Variants in SMARCAL1 observed in about 807,000 individuals in gnomAD.
SMARCAL1 encodes ATP-driven annealing helicase.
Under a neutral mutation model 94.5 loss-of-function variants are expected in SMARCAL1, and 58 were observed. The ratio of observed to expected loss-of-function variants is 0.61; its 90% CI spans 0.50 to 0.76. The LOEUF is 0.76. SMARCAL1 is among the 30% of genes least tolerant of loss of function. The probability of loss-of-function intolerance (pLI) is 0.00; values close to 1 mark genes in which losing one functional copy is unlikely to be tolerated. For missense variants in SMARCAL1, 1,051 were observed against 1,177.9 expected (o/e 0.89, Z 1.58); for synonymous variants, 422 against 455.1 (o/e 0.93, Z 0.93).
chr2:216,441,836 C>CT, intron 10 of SMARCAL1, among the ~76,000 whole-genome samples: 1 of 152,198 alleles, frequency 6.6e-6, no homozygotes, highest in East Asian at 1.9e-4. Flanking sequence ...TACTGGCACT[C>CT]TTTTAAACAG....
At chr2:216,451,128 G>A (rs1694442124) in intron 12 of SMARCAL1, 64 bp downstream of exon 12, 4 of 1,359,602 alleles carry the variant, frequency 2.9e-6, no homozygotes, top group Non-Finnish European at 4.2e-6. Flanking sequence ...TCCATGAGAG[G>A]CCCTTGAAAA....
Position 216,414,699 on chromosome 2 carries a change from G to T in SMARCAL1, c.-6G>T, listed in dbSNP as rs368738615. The stretch of plus-strand genomic sequence containing the variant: ...GACATTCCTGCATAAGCATTTCTCT[G>T]TGAAAATGTCCTTGCCTCTTACAGA... On this transcript the variant is annotated 5_prime_UTR_variant, in exon 3 of 18. Coordinates refer to ENST00000357276, the MANE Select transcript of SMARCAL1 (RefSeq NM_014140.4). The T allele has an allele frequency of 2.5e-6, 4 of 1,613,702 alleles. No homozygotes were observed. In the South Asian group the frequency reaches 3.3e-5, roughly 13 times the overall value.
intron 8 of SMARCAL1, 90 bp from the exon 9 acceptor site, chr2:216,435,248 C>T: frequency 7.4e-7 from 1 of 1,349,916 alleles, no homozygotes; most frequent in Non-Finnish European, 1.1e-6. Flanking sequence ...GAGGTGATGG[C>T]TGTTGATGGG....
At chr2:216,428,845 G>A in intron 7 of SMARCAL1, 63 bp downstream of exon 7, 1 of 1,378,086 alleles carries the variant, frequency 7.3e-7, no homozygotes, top group Non-Finnish European at 1.0e-6. Context: ...ACCACAGACT[G>A]CATTCAGATG....
chr2:216,425,779 G>T (rs1047477208), intron 6 of SMARCAL1, among the ~76,000 whole-genome samples: 4 of 152,212 alleles, frequency 2.6e-5, no homozygotes, highest in African/African-American at 9.6e-5. Context: ...CAGAATGGGG[G>T]TGTGTGTGCT....
Position 216,415,027 on chromosome 2 carries a change from G to T in SMARCAL1, c.323G>T (p.Cys108Phe). The change falls in exon 3 of 18, where the codon TGC (cysteine) becomes TTC (phenylalanine). Residue 108 changes from cysteine to phenylalanine, a missense_variant. Cys to Phe is a radical substitution (Grantham distance 205). Transcript: ENST00000357276. ...AAGCCAGAAGAAATGCCCACAGCCTGCCCAGGCCACAGTCCACGTAGTCAA... is the reference window on the plus strand; with the variant it reads ...AAGCCAGAAGAAATGCCCACAGCCTTCCCAGGCCACAGTCCACGTAGTCAA... Reference protein sequence around the residue: ...WKKPEEMPTACPGHSPRSQMA... With the variant: ...WKKPEEMPTAFPGHSPRSQMA... The T allele has an allele frequency of 1.2e-6, 2 of 1,614,210 alleles. No homozygotes were observed. Among genetic ancestry groups the T allele is most frequent in the Middle Eastern group, 1.6e-4 (1 of 6,062 alleles).
At chr2:216,470,075 GTTT>G (rs1030469519) in intron 14 of SMARCAL1, among the ~76,000 whole-genome samples, 4 of 151,992 alleles carry the variant, frequency 2.6e-5, no homozygotes, top group African/African-American at 9.6e-5. Flanking sequence ...CTGTTGGATT[GTTT>G]TTTTCTTACT....
At position 216,468,807 on chromosome 2, in the gene SMARCAL1, G is replaced by A. The variant is rs113553297; in HGVS notation, c.2244+761G>A. 8.9e-3 allele frequency among the ~76,000 whole-genome samples: 1,359 copies of A among 152,030 alleles called. 24 individuals carry two copies. Among genetic ancestry groups the A allele is most frequent in the African/African-American group, 0.03 (1,251 of 41,442 alleles). On this transcript the variant is annotated intron_variant, in intron 14 of 17. Transcript: ENST00000357276. ...AGGATCTCAGCTCACTGTAGCCTCCGCTTCTCAGGTTCAAGTGATTCTCGT... is the reference window on the plus strand; with the variant it reads ...AGGATCTCAGCTCACTGTAGCCTCCACTTCTCAGGTTCAAGTGATTCTCGT...
intron 7 of SMARCAL1, among the ~76,000 whole-genome samples, chr2:216,431,221 AG>A (rs1184092767): frequency 2.0e-5 from 3 of 152,390 alleles, no homozygotes; most frequent in Non-Finnish European, 2.9e-5. Flanking sequence ...CAATTCAGAA[AG>A]GGCAAGTGCA....
chr2:216,421,990 G>A (rs1213131874), intron 5 of SMARCAL1, among the ~76,000 whole-genome samples: 2 of 152,138 alleles, frequency 1.3e-5, no homozygotes, highest in South Asian at 2.1e-4. Context: ...GGAGTTGTGC[G>A]AGGCCCAGGC....
rs376469384 is a variant in SMARCAL1 at position 216,428,786 on chromosome 2, G to T, written c.1334+4G>T. The T allele has an allele frequency of 6.2e-7, 1 of 1,613,470 alleles. No homozygotes were observed. ...CCTTTCAGAGAGCTGGAGTCAAGTA[G>T]GTTCTTGATCTTCCTCTCTCTTCCT... On this transcript the variant is annotated splice_donor_region_variant and intron_variant, in intron 7 of 17. Transcript: ENST00000357276.
intron 13 of SMARCAL1, 144 bp from the exon 14 acceptor site, chr2:216,467,800 T>A: frequency 1.5e-6 from 1 of 667,848 alleles, no homozygotes. Context: ...TAAAACACAT[T>A]ATAATGATAG....
intron 14 of SMARCAL1, 29 bp downstream of exon 14, chr2:216,468,075 CT>C: frequency 6.7e-7 from 1 of 1,489,534 alleles, no homozygotes; most frequent in Non-Finnish European, 9.4e-7. Context: ...TCACCATGGG[CT>C]ACTTTTGCCA....
rs763289234 is a variant in SMARCAL1 at position 216,438,476 on chromosome 2, G to C, written c.1701G>C (p.Pro567=). 6.2e-7 allele frequency: 1 copy of C among 1,613,596 alleles called. No homozygotes were observed. The highest frequency in any genetic ancestry group is 1.3e-5 in the African/African-American group (1 of 74,910). The change falls in exon 10 of 18, where the codon CCG becomes CCC. Residue 567 remains proline (P), a synonymous_variant. Transcript: ENST00000357276. ...CTGCCCGCTGTCGAGCAGCTATGCCGGTCCTAAAGGTGAGTACTTCTGAGA... is the reference window on the plus strand; with the variant it reads ...CTGCCCGCTGTCGAGCAGCTATGCCCGTCCTAAAGGTGAGTACTTCTGAGA... ...SRTARCRAAM[P]VLKVAKRVIL...
Position 216,432,742 on chromosome 2 carries a change from C to T in SMARCAL1, c.1359C>T (p.Arg453=). 1 of 1,614,160 alleles carries T rather than the reference C, an allele frequency of 6.2e-7. No homozygotes were observed. Among genetic ancestry groups the T allele is most frequent in the Non-Finnish European group, 8.5e-7 (1 of 1,180,032 alleles). Residue 453 remains arginine, a synonymous_variant, in exon 8 of 18, where the codon CGC becomes CGT. Transcript: ENST00000357276. ...GTTTTGCCATAGCCAAAGGAGGCCG[C>T]CTGCTGCTCGCTGACGACATGGGCC... is the stretch of plus-strand genomic sequence containing the variant. ...GVNFAIAKGG[R]LLLADDMGLG... is the part of the protein sequence containing the mutation.
rs191490905 is a variant in SMARCAL1 at position 216,466,495 on chromosome 2, C to T, written c.2142-1449C>T. On this transcript the variant is annotated intron_variant, in intron 13 of 17. Coordinates refer to ENST00000357276, the MANE Select transcript of SMARCAL1 (RefSeq NM_014140.4). ...AAATTAGATTGTATGTCTTCAAAAC[C>T]CCAATTTCCTCAGCTAGTTGTTTTT... is the stretch of plus-strand genomic sequence containing the variant. 2.0e-5 allele frequency among the ~76,000 whole-genome samples: 3 copies of T among 152,232 alleles called. No individual in the cohort carries two copies. In the East Asian group the frequency reaches 5.8e-4, roughly 29 times the overall value.
At chr2:216,471,545 G>A (rs1694966627) in intron 14 of SMARCAL1, among the ~76,000 whole-genome samples, 1 of 152,136 alleles carries the variant, frequency 6.6e-6, no homozygotes, top group East Asian at 1.9e-4. Context: ...TTAGAGACAA[G>A]CTTTCACTGT....
intron 11 of SMARCAL1, 31 bp from the exon 12 acceptor site, chr2:216,450,815 C>T: frequency 6.3e-7 from 1 of 1,584,098 alleles, no homozygotes; most frequent in Non-Finnish European, 8.7e-7. Context: ...AAAGGAGCCT[C>T]ATGGGGCTGT....
intron 7 of SMARCAL1, among the ~76,000 whole-genome samples, chr2:216,431,869 C>T (rs551067632): frequency 6.6e-6 from 1 of 152,156 alleles, no homozygotes; most frequent in Admixed American, 6.5e-5. Context: ...TGGACAAGCA[C>T]CCTTCCTCCC....
Sources: allele counts gnomAD v4.1 joint callset (sites outside exome capture counted in the v4.1 genomes callset), GRCh38; gene constraint gnomAD v4.1.1; transcripts MANE v1.5; gene names NCBI Gene and HGNC (gene_info 2026-07-23, HGNC 2026-07-21).